Variants in PRKN observed in about 807,000 individuals in gnomAD.
The protein encoded by PRKN is parkin RBR E3 ubiquitin protein ligase, also known as E3 ubiquitin-protein ligase parkin.
Under a neutral mutation model 59.5 loss-of-function variants are expected in PRKN, and 56 were observed. That is an observed-to-expected ratio of 0.94 (90% confidence interval 0.76 to 1.18). PRKN has a LOEUF of 1.18. Among genes scored for constraint, PRKN ranks in the 50% most tolerant of loss-of-function variants. The pLI is 0.00. For synonymous variants in PRKN, 250 were observed against 222.1 expected, an observed-to-expected ratio of 1.13 and a Z score of -1.12; for missense variants, 657 against 596.4, an observed-to-expected ratio of 1.10 and a Z score of -1.06.
At chr6:161,496,384 T>C (rs1355472501) in intron 9 of PRKN, among the ~76,000 whole-genome samples, 3 of 152,238 alleles carry the variant, frequency 2.0e-5, no homozygotes, top group Non-Finnish European at 4.4e-5. Context: ...GGTCTCATGC[T>C]GCTAATAAAG....
At chr6:162,075,519 A>G (rs1778785407) in intron 4 of PRKN, among the ~76,000 whole-genome samples, 1 of 152,146 alleles carries the variant, frequency 6.6e-6, no homozygotes, top group South Asian at 2.1e-4. Flanking sequence ...GGTTAAAATT[A>G]TAAAAAGTCC....
At position 161,466,461 on chromosome 6, in the gene PRKN, G is replaced by A. The variant is rs1373883155; in HGVS notation, c.1084-79584C>T. The stretch of plus-strand genomic sequence containing the variant: ...AAATAGTTTTATCATTTCTCCTCCA[G>A]TCAACTAGTTTCTATTTTTGCACTC... On this transcript the variant is annotated intron_variant, in intron 9 of 11. Coordinates refer to ENST00000366898, the MANE Select transcript of PRKN (RefSeq NM_004562.3). This position sits in a 1 kb window ranked among gnomAD's most constrained non-coding sequence, Gnocchi z 5.0. Among the ~76,000 whole-genome samples the A allele has an allele frequency of 2.6e-5, 4 of 152,114 alleles. No homozygotes were observed. The highest frequency in any genetic ancestry group is 5.9e-5 in the Non-Finnish European group (4 of 68,036).
chr6:161,485,662 A>C (rs911727458), intron 9 of PRKN, among the ~76,000 whole-genome samples: 1 of 152,186 alleles, frequency 6.6e-6, no homozygotes, highest in Admixed American at 6.5e-5. Flanking sequence ...TTAGTTAGAA[A>C]TCAAAATTTT....
intron 7 of PRKN, among the ~76,000 whole-genome samples, chr6:161,659,518 A>C (rs973217503): frequency 6.6e-6 from 1 of 152,182 alleles, no homozygotes; most frequent in African/African-American, 2.4e-5. Flanking sequence ...GATACAGAGC[A>C]GTGCTAAGTG....
intron 6 of PRKN, among the ~76,000 whole-genome samples, chr6:161,857,388 T>C (rs928420249): frequency 3.3e-5 from 5 of 152,188 alleles, no homozygotes; most frequent in Non-Finnish European, 7.3e-5. Context: ...AAACAGGTGG[T>C]GGGCTGCATT....
At position 161,440,540 on chromosome 6, in the gene PRKN, C is replaced by T. The variant is rs986973036; in HGVS notation, c.1084-53663G>A. Among the ~76,000 whole-genome samples the T allele has an allele frequency of 1.5e-4, 23 of 152,122 alleles. No individual in the cohort carries two copies. The highest frequency in any genetic ancestry group is 2.8e-4 in the Non-Finnish European group (19 of 68,030). On this transcript the variant is annotated intron_variant, in intron 9 of 11. Coordinates refer to ENST00000366898, the MANE Select transcript of PRKN (RefSeq NM_004562.3). The surrounding 1 kb of genome is among the most constrained non-coding windows in gnomAD (Gnocchi z 4.1). ...TTGAATTGTTCTGCAAAGACATGGT[C>T]GGCAGACACAGAGGGTTCCCTCACC... is the stretch of plus-strand genomic sequence containing the variant.
Position 161,429,564 on chromosome 6 carries a change from T to G in PRKN, c.1084-42687A>C, listed in dbSNP as rs1287207834. ...AAGTTCCAGAGCTCAGAAAACATTC[T>G]GAGATGGAACTAGAAGAACCTGGAT... On this transcript the variant is annotated intron_variant, in intron 9 of 11. Transcript: ENST00000366898. The surrounding 1 kb of genome is among the most constrained non-coding windows in gnomAD (Gnocchi z 4.2). Among the ~76,000 whole-genome samples the G allele has an allele frequency of 6.6e-6, 1 of 152,090 alleles. No individual in the cohort carries two copies. The highest frequency in any genetic ancestry group is 1.5e-5 in the Non-Finnish European group (1 of 68,026).
chr6:162,034,193 A>ATT (rs1189073368), intron 5 of PRKN, among the ~76,000 whole-genome samples: 1 of 139,930 alleles, frequency 7.1e-6, no homozygotes, highest in Non-Finnish European at 1.5e-5. Flanking sequence ...ATATAGAGAG[A>ATT]GAGAGAGAGA....
At chr6:162,115,166 T>TA (rs1373929470) in intron 4 of PRKN, among the ~76,000 whole-genome samples, 1 of 152,016 alleles carries the variant, frequency 6.6e-6, no homozygotes, top group Non-Finnish European at 1.5e-5. Flanking sequence ...TATGCAGCCA[T>TA]AAAAAATGAT....
intron 7 of PRKN, among the ~76,000 whole-genome samples, chr6:161,662,770 G>A (rs1214582170): frequency 2.0e-5 from 3 of 152,174 alleles, no homozygotes; most frequent in Non-Finnish European, 4.4e-5. Flanking sequence ...AGGTAATACA[G>A]AGTACAGGCT....
chr6:161,934,703 T>C (rs766951994), intron 6 of PRKN, among the ~76,000 whole-genome samples: 6 of 152,208 alleles, frequency 3.9e-5, no homozygotes, highest in Non-Finnish European at 8.8e-5. Flanking sequence ...TATGCTTGTA[T>C]TTTAAATATA....
chr6:162,523,019 C>T (rs917799140), intron 1 of PRKN, among the ~76,000 whole-genome samples: 1 of 152,198 alleles, frequency 6.6e-6, no homozygotes, highest in Admixed American at 6.6e-5. Context: ...ACCTTGGAGT[C>T]ATGGCTCATG....
intron 5 of PRKN, among the ~76,000 whole-genome samples, chr6:162,035,847 A>G (rs1783817306): frequency 1.3e-5 from 2 of 152,206 alleles, no homozygotes; most frequent in African/African-American, 4.8e-5. Flanking sequence ...TAATTTGTAG[A>G]TTTTTGGTGA....
At chr6:162,099,452 A>G (rs1000112002) in intron 4 of PRKN, among the ~76,000 whole-genome samples, 1 of 152,224 alleles carries the variant, frequency 6.6e-6, no homozygotes, top group Non-Finnish European at 1.5e-5. Flanking sequence ...TTCAGAACCT[A>G]TGAATATGTA....
chr6:161,844,095 G>C (rs1793101866), intron 6 of PRKN, among the ~76,000 whole-genome samples: 1 of 152,194 alleles, frequency 6.6e-6, no homozygotes, highest in African/African-American at 2.4e-5. Context: ...AGAATTTTCA[G>C]TAACTTCTGG....
At chr6:162,463,203 T>C (rs1173656476) in intron 1 of PRKN, among the ~76,000 whole-genome samples, 1 of 152,232 alleles carries the variant, frequency 6.6e-6, no homozygotes, top group Non-Finnish European at 1.5e-5. Flanking sequence ...TCCTCTGTTA[T>C]TAAATGATGA....
chr6:162,190,366 A>G (rs988170145), intron 4 of PRKN, among the ~76,000 whole-genome samples: 4 of 152,206 alleles, frequency 2.6e-5, no homozygotes, highest in African/African-American at 9.6e-5. Context: ...TAGAAAACAG[A>G]GTCCAGTGAA....
intron 3 of PRKN, among the ~76,000 whole-genome samples, chr6:162,221,041 A>G (rs1410712444): frequency 1.3e-5 from 2 of 152,172 alleles, no homozygotes; most frequent in African/African-American, 4.8e-5. Context: ...AATGTAACCA[A>G]TCTGATGCCT....
chr6:162,637,113 C>T (rs1241569634), intron 1 of PRKN, among the ~76,000 whole-genome samples: 3 of 151,872 alleles, frequency 2.0e-5, no homozygotes, highest in African/African-American at 4.8e-5. Context: ...AAAAAATAGC[C>T]GGGCGTGGTG....
Sources: gnomAD v4.1 joint callset for allele counts (sites outside exome capture counted in the v4.1 genomes callset) on GRCh38, gnomAD v4.1.1 for gene constraint, Gnocchi (gnomAD v3.1) non-coding constraint, MANE v1.5 for transcripts, NCBI Gene and HGNC (gene_info 2026-07-23, HGNC 2026-07-21) for gene names.